The following SLC8A1 variants were observed in gnomAD, a reference collection of about 807,000 sequenced individuals.
SLC8A1 encodes the protein solute carrier family 8 member A1, also known as sodium/calcium exchanger 1.
A neutral mutation model predicts 68.3 loss-of-function variants in SLC8A1; 18 were observed. That is an observed-to-expected ratio of 0.26 (90% CI 0.18 to 0.39). The LOEUF (loss-of-function observed/expected upper bound fraction) is 0.39. SLC8A1 is among the 10% of genes least tolerant of loss of function. SLC8A1 has a pLI of 1.00. For synonymous variants in SLC8A1, 475 were observed against 415.5 expected (o/e 1.14, Z -1.74); for missense variants, 985 against 1,156.7 (o/e 0.85, Z 2.15).
chr2:40,491,138 A>T (rs1035085772), intron 1 of SLC8A1, among the ~76,000 whole-genome samples: 23 of 152,236 alleles, frequency 1.5e-4, no homozygotes, highest in African/African-American at 5.5e-4. Flanking sequence ...CATCTAATTC[A>T]AGCTCTTATT....
At chr2:40,327,670 C>T (rs1023004488) in intron 2 of SLC8A1, among the ~76,000 whole-genome samples, 3 of 152,108 alleles carry the variant, frequency 2.0e-5, no homozygotes, top group Non-Finnish European at 4.4e-5. Context: ...AAATCAAATA[C>T]TGCATGTTAT....
chr2:40,280,675 ATAAT>A (rs2067380992), intron 2 of SLC8A1, among the ~76,000 whole-genome samples: 1 of 152,206 alleles, frequency 6.6e-6, no homozygotes, highest in Non-Finnish European at 1.5e-5. Context: ...TCACACATCA[ATAAT>A]TAATATATGA....
chr2:40,394,441 TAGTG>T (rs1332790946), intron 2 of SLC8A1, among the ~76,000 whole-genome samples: 1 of 151,778 alleles, frequency 6.6e-6, no homozygotes, highest in African/African-American at 2.4e-5. Context: ...GTTTTTCTGT[TAGTG>T]TGTGTGTGTG....
intron 1 of SLC8A1, among the ~76,000 whole-genome samples, chr2:40,505,201 G>A (rs545846782): frequency 4.7e-4 from 71 of 152,008 alleles, no homozygotes; most frequent in Admixed American, 9.2e-4. Flanking sequence ...AGGCTGGCAA[G>A]GGTAGTTAGG....
chr2:40,119,554 A>G (rs1345788473), intron 7 of SLC8A1, among the ~76,000 whole-genome samples: 2 of 152,212 alleles, frequency 1.3e-5, no homozygotes, highest in Non-Finnish European at 2.9e-5. Flanking sequence ...GCCTATGGTT[A>G]AACCAGGCAA....
chr2:40,432,069 CT>C (rs1559664876), intron 1 of SLC8A1, among the ~76,000 whole-genome samples: 1 of 152,056 alleles, frequency 6.6e-6, no homozygotes, highest in Non-Finnish European at 1.5e-5. Context: ...AGTATGTCTG[CT>C]TGTTCAGTCT....
chr2:40,403,524 T>A (rs1292333228), intron 2 of SLC8A1, among the ~76,000 whole-genome samples: 1 of 152,174 alleles, frequency 6.6e-6, no homozygotes, highest in Non-Finnish European at 1.5e-5. Flanking sequence ...GCCCACACTT[T>A]CCCTGCAGGA....
Position 40,366,052 on chromosome 2 carries a change from G to C in SLC8A1, c.1808+62421C>G, listed in dbSNP as rs181215558. Among the ~76,000 whole-genome samples the C allele has an allele frequency of 4.6e-5, 7 of 151,804 alleles. No homozygotes were observed. In the East Asian group the frequency reaches 5.8e-4, roughly 13 times the overall value. On this transcript the variant is annotated intron_variant, in intron 2 of 7. Transcript: ENST00000406785. Reference sequence around the variant, plus strand: ...AAAAAAATTTGGATCCAGAGAACTAGGACTTCATTCTTCTTCTGTACATTA... The same window carrying C: ...AAAAAAATTTGGATCCAGAGAACTACGACTTCATTCTTCTTCTGTACATTA...
At chr2:40,373,852 C>T (rs1678945789) in intron 2 of SLC8A1, among the ~76,000 whole-genome samples, 1 of 152,082 alleles carries the variant, frequency 6.6e-6, no homozygotes, top group South Asian at 2.1e-4. Context: ...GCTCCATATT[C>T]CCTGACAGTG....
chr2:40,182,626 C>CTCTTA (rs2049837025), intron 2 of SLC8A1, among the ~76,000 whole-genome samples: 1 of 152,196 alleles, frequency 6.6e-6, no homozygotes, highest in African/African-American at 2.4e-5. Flanking sequence ...CCCAGTCTCT[C>CTCTTA]TCTTATCTTA....
At chr2:40,286,470 C>T (rs1443029829) in intron 2 of SLC8A1, among the ~76,000 whole-genome samples, 2 of 152,124 alleles carry the variant, frequency 1.3e-5, no homozygotes, top group African/African-American at 4.8e-5. Context: ...AAAATGCAAT[C>T]CCTGATTGTA....
intron 2 of SLC8A1, among the ~76,000 whole-genome samples, chr2:40,372,062 A>G (rs1214280656): frequency 6.6e-6 from 1 of 152,162 alleles, no homozygotes; most frequent in East Asian, 1.9e-4. Context: ...ATTTGAAAAG[A>G]AGAAAATTAT....
Position 40,345,894 on chromosome 2 carries a change from C to T in SLC8A1, c.1808+82579G>A, listed in dbSNP as rs141431204. Among the ~76,000 whole-genome samples the T allele has an allele frequency of 2.0e-4, 30 of 151,778 alleles. No individual in the cohort carries two copies. In the East Asian group the frequency reaches 5.0e-3, roughly 25 times the overall value. ...AGCATTAGGACAAATACCTAATGCA[C>T]GCGGAGCTTAAAACCTAAATTACAG... On this transcript the variant is annotated intron_variant, in intron 2 of 7. Transcript: ENST00000406785.
At chr2:40,215,787 G>C (rs1167167990) in intron 2 of SLC8A1, among the ~76,000 whole-genome samples, 3 of 151,642 alleles carry the variant, frequency 2.0e-5, no homozygotes, top group Non-Finnish European at 4.4e-5. Flanking sequence ...CACTGTGCTT[G>C]GCCTATGTTA....
intron 2 of SLC8A1, among the ~76,000 whole-genome samples, chr2:40,274,332 A>G (rs187432363): frequency 6.6e-6 from 1 of 151,870 alleles, no homozygotes; most frequent in East Asian, 1.9e-4. Context: ...AATTTCTGGG[A>G]TTAAAAATAA....
In SLC8A1 at chr2:40,168,346, G is replaced by C. The variant is rs912326793; in HGVS notation, c.1931-3362C>G. Among the ~76,000 whole-genome samples the C allele has an allele frequency of 2.6e-5, 4 of 152,168 alleles. No individual in the cohort carries two copies. In the East Asian group the frequency reaches 5.8e-4, roughly 22 times the overall value. On this transcript the variant is annotated intron_variant, in intron 4 of 7. Coordinates refer to ENST00000406785, the Ensembl canonical transcript of SLC8A1. The stretch of plus-strand genomic sequence containing the variant: ...CCCGGTGAAGGTGATGGTAAGGATA[G>C]ATAGGAGGTGGTGGAATGCGGAAGT...
chr2:40,098,232 G>A (rs1013265890), exon 8 of SLC8A1: 2 of 151,946 alleles, frequency 1.3e-5, no homozygotes, highest in African/African-American at 4.8e-5. Context: ...TTGAATCACA[G>A]AGTCAACAAA....
rs569725795 is a variant in SLC8A1, at chr2:40,171,264, A to G, written c.1930+3561T>C. On this transcript the variant is annotated intron_variant, in intron 4 of 7. Transcript: ENST00000406785. ...TGATGAAAACATTTTCAACTGTCAG[A>G]ATTTTCATAGTTTGGCTTCCTTAAA... is the stretch of plus-strand genomic sequence containing the variant. Among the ~76,000 whole-genome samples the G allele has an allele frequency of 2.0e-4, 30 of 152,324 alleles. No homozygotes were observed. In the South Asian group the frequency reaches 6.0e-3, roughly 30 times the overall value.
intron 1 of SLC8A1, among the ~76,000 whole-genome samples, chr2:40,486,692 G>A (rs1011525125): frequency 1.8e-4 from 28 of 151,456 alleles, no homozygotes; most frequent in African/African-American, 5.8e-4. Context: ...TTTCCTATTA[G>A]TAGTATCTTA....
Sources: gnomAD v4.1 joint callset for allele counts (sites outside exome capture counted in the v4.1 genomes callset) on GRCh38, gnomAD v4.1.1 for gene constraint, MANE v1.5 for transcripts, NCBI Gene and HGNC (gene_info 2026-07-23, HGNC 2026-07-21) for gene names.